SYT16: variants seen among roughly 807,000 people sequenced by gnomAD.
SYT16 encodes synaptotagmin 16.
Under a neutral mutation model 61.4 loss-of-function variants are expected in SYT16, and 42 were observed. That is an observed-to-expected ratio of 0.68 (90% CI 0.53 to 0.89). SYT16 has a LOEUF of 0.89. Ranked by LOEUF, SYT16 falls within the 40% of genes least tolerant of loss-of-function variation. The pLI is 0.00. For missense variants in SYT16, 804 were observed against 807.3 expected (o/e 1.00, Z 0.05); for synonymous variants, 314 against 302.3 (o/e 1.04, Z -0.40).
chr14:61,952,792 G>A (rs931310264), intron 1 of SYT16, among the ~76,000 whole-genome samples: 13 of 152,028 alleles, frequency 8.6e-5, no homozygotes, highest in African/African-American at 2.9e-4. Context: ...TTTTTTGAAA[G>A]GTCTATTTTT....
chr14:61,845,215 T>G (rs894336940), intron 1 of SYT16, among the ~76,000 whole-genome samples: 1 of 151,748 alleles, frequency 6.6e-6, no homozygotes, highest in African/African-American at 2.4e-5. Flanking sequence ...GCCCAGCTAA[T>G]TTTTTGTATT....
chr14:62,070,640 A>G (rs1460763609), intron 4 of SYT16, among the ~76,000 whole-genome samples: 1 of 152,170 alleles, frequency 6.6e-6, no homozygotes, highest in African/African-American at 2.4e-5. Context: ...TCCCAAGCAA[A>G]GGTCAAGGTA....
intron 1 of SYT16, among the ~76,000 whole-genome samples, chr14:61,952,125 C>G (rs567422266): frequency 1.3e-5 from 2 of 148,510 alleles, no homozygotes; most frequent in Admixed American, 6.6e-5. Flanking sequence ...CAGTGATATT[C>G]ATGCTGATTT....
intron 1 of SYT16, among the ~76,000 whole-genome samples, chr14:61,822,142 A>G (rs962982357): frequency 2.6e-5 from 4 of 152,212 alleles, no homozygotes; most frequent in Admixed American, 1.3e-4. Context: ...GGGGAAGCCA[A>G]CAGTACAGCT....
intron 1 of SYT16, among the ~76,000 whole-genome samples, chr14:61,969,331 T>C (rs1286258164): frequency 3.9e-5 from 6 of 152,170 alleles, no homozygotes; most frequent in Admixed American, 2.6e-4. Context: ...CCTTAGAGGA[T>C]TCTTCTCTAA....
In SYT16 at chr14:62,083,572, C is replaced by T. The variant is rs532323393; in HGVS notation, c.1435-624C>T. Among the ~76,000 whole-genome samples, 8 of 152,308 alleles carry T rather than the reference C, an allele frequency of 5.3e-5. No individual in the cohort carries two copies. In the South Asian group the frequency reaches 1.7e-3, roughly 32 times the overall value. ...CTGCCAGGTCGCTGAGACCCACAAC[C>T]CATGTGTTGTCTTTTTTCTCAAACA... On this transcript the variant is annotated intron_variant, in intron 6 of 7. Transcript: ENST00000683842.
In SYT16 at chr14:62,054,524, C is replaced by T. The variant is rs533542935; in HGVS notation, c.524-15079C>T. On this transcript the variant is annotated intron_variant, in intron 3 of 7. Coordinates refer to ENST00000683842, the MANE Select transcript of SYT16 (RefSeq NM_001367656.1). ...TACAGGTGCGTGCCACCACGCTCAG[C>T]TAATTTTTGTATTTTTTTGTAGAGG... Among the ~76,000 whole-genome samples, 9 of 152,082 alleles carry T rather than the reference C, an allele frequency of 5.9e-5. No homozygotes were observed. In the East Asian group the frequency reaches 1.7e-3, roughly 30 times the overall value.
intron 1 of SYT16, among the ~76,000 whole-genome samples, chr14:61,959,221 CTT>C (rs1176592646): frequency 2.0e-5 from 3 of 152,030 alleles, no homozygotes; most frequent in Non-Finnish European, 2.9e-5. Flanking sequence ...CATTATATGT[CTT>C]TTAATTGGAA....
At chr14:62,028,039 T>C (rs1310759374) in intron 3 of SYT16, among the ~76,000 whole-genome samples, 1 of 152,180 alleles carries the variant, frequency 6.6e-6, no homozygotes, top group Non-Finnish European at 1.5e-5. Context: ...CACTGAAGGC[T>C]GTGATGTTCC....
chr14:61,998,735 C>A (rs577379626), intron 3 of SYT16, among the ~76,000 whole-genome samples: 1 of 152,020 alleles, frequency 6.6e-6, no homozygotes, highest in African/African-American at 2.4e-5. Flanking sequence ...ATCCTTGCCT[C>A]AATCTTAAAC....
At chr14:62,017,759 C>T (rs1190428158) in intron 3 of SYT16, among the ~76,000 whole-genome samples, 1 of 150,022 alleles carries the variant, frequency 6.7e-6, no homozygotes, top group Non-Finnish European at 1.5e-5. Context: ...CTTATGCTGT[C>T]ACCCATGCTG....
chr14:62,061,836 GAAA>G (rs376865821), intron 3 of SYT16, among the ~76,000 whole-genome samples: 1 of 151,518 alleles, frequency 6.6e-6, no homozygotes, highest in Non-Finnish European at 1.5e-5. Context: ...CTAGAGCAAT[GAAA>G]AAAAACAGCA....
At chr14:62,022,179 T>C (rs886862291) in intron 3 of SYT16, among the ~76,000 whole-genome samples, 1 of 152,168 alleles carries the variant, frequency 6.6e-6, no homozygotes, top group African/African-American at 2.4e-5. Flanking sequence ...CATATGAGAC[T>C]GTTTTCTGTT....
chr14:62,051,113 C>G (rs1404051554), intron 3 of SYT16, among the ~76,000 whole-genome samples: 3 of 152,236 alleles, frequency 2.0e-5, no homozygotes, highest in Non-Finnish European at 2.9e-5. Context: ...CTGTGGTGGG[C>G]TCCACCCAGT....
chr14:61,974,427 A>G (rs2051696617), intron 2 of SYT16, among the ~76,000 whole-genome samples: 2 of 152,026 alleles, frequency 1.3e-5, no homozygotes, highest in Admixed American at 1.3e-4. Context: ...ATCCTTAGTG[A>G]TTTTCAAGGG....
chr14:61,964,830 G>A (rs930281725), intron 1 of SYT16, among the ~76,000 whole-genome samples: 1 of 151,490 alleles, frequency 6.6e-6, no homozygotes, highest in Admixed American at 6.6e-5. Flanking sequence ...TCATTCAACA[G>A]CCATAACATT....
Position 62,100,376 on chromosome 14 carries a change from CTTT to C in SYT16, c.1625-10_1625-8del. 1 of 1,286,610 alleles carries C rather than the reference CTTT, an allele frequency of 7.8e-7. No homozygotes were observed. The highest frequency in any genetic ancestry group is 2.8e-5 in the East Asian group (1 of 35,898). The allele number at this position is 1,286,610 out of a possible 1,614,324, so 79.7% of individuals were successfully genotyped here. ...TGTTTCTTATCATCCCCACCCCACC[CTTT>C]TTTTTTTGTCTTAGATACATATGGA... On this transcript the variant is annotated splice_polypyrimidine_tract_variant and intron_variant, in intron 7 of 7. Coordinates refer to ENST00000683842, the MANE Select transcript of SYT16 (RefSeq NM_001367656.1).
chr14:61,972,983 A>T (rs1849636026), intron 2 of SYT16, among the ~76,000 whole-genome samples: 1 of 152,212 alleles, frequency 6.6e-6, no homozygotes, highest in Non-Finnish European at 1.5e-5. Flanking sequence ...AAGAGAACTA[A>T]TAAAAATGCG....
At chr14:61,946,874 C>T (rs2050459887) in intron 1 of SYT16, among the ~76,000 whole-genome samples, 3 of 152,112 alleles carry the variant, frequency 2.0e-5, no homozygotes, top group Admixed American at 2.0e-4. Flanking sequence ...CTGTCTTTAG[C>T]TATTTGCAGG....
Sources: gnomAD v4.1 joint callset for allele counts (sites outside exome capture counted in the v4.1 genomes callset) on GRCh38, gnomAD v4.1.1 for gene constraint, MANE v1.5 for transcripts, NCBI Gene and HGNC (gene_info 2026-07-23, HGNC 2026-07-21) for gene names.